Variants in TP53I13 observed in about 807,000 individuals in gnomAD.
TP53I13 encodes the protein tumor protein p53-inducible protein 13.
In TP53I13, 27 loss-of-function variants were observed where a neutral mutation model predicts 39.1. The observed-to-expected ratio is 0.69, with a 90% CI of 0.51 to 0.95. TP53I13 has a LOEUF of 0.95. Among genes scored for constraint, TP53I13 ranks in the 40% least tolerant of loss-of-function variants. The pLI, the probability that TP53I13 is intolerant of heterozygous loss-of-function variation, is 0.00. For missense variants in TP53I13, 544 were observed against 520.4 expected (o/e 1.05, Z -0.44); for synonymous variants, 230 against 224.6 (o/e 1.02, Z -0.22).
chr17:29,577,146 G>C, downstream of TP53I13: 1 of 1,613,478 alleles, frequency 6.2e-7, no homozygotes, highest in Non-Finnish European at 8.5e-7. Flanking sequence ...CTGTGGGGCT[G>C]CTCAGGCTCT....
At chr17:29,570,361 A>C (rs2150802481) in intron 3 of TP53I13, 1 of 151,218 alleles carries the variant, frequency 6.6e-6, no homozygotes, top group African/African-American at 2.4e-5. Context: ...TACAAAAATT[A>C]GCTGGGCGTG....
downstream of TP53I13, chr17:29,577,736 A>G (rs2033263679): frequency 6.2e-7 from 1 of 1,605,306 alleles, no homozygotes; most frequent in Non-Finnish European, 8.5e-7. Context: ...TTGGGTAGCC[A>G]GCCACACTGT....
chr17:29,578,673 G>A, the TP53I13 span: 1 of 1,421,500 alleles, frequency 7.0e-7, no homozygotes, highest in Non-Finnish European at 1.0e-6. Flanking sequence ...AGAGCAGAGG[G>A]TGGGGGATCA....
At chr17:29,574,986 G>T, downstream of TP53I13, 2 of 1,484,660 alleles carry the variant, frequency 1.3e-6, no homozygotes, top group Non-Finnish European at 1.8e-6. Flanking sequence ...CAGTTTGTCT[G>T]TGTCTCCACC....
chr17:29,578,408 A>C, the TP53I13 span: 1 of 1,594,778 alleles, frequency 6.3e-7, no homozygotes, highest in Non-Finnish European at 8.6e-7. Flanking sequence ...TGTCAGATGC[A>C]TCGGCTCCCA....
downstream of TP53I13, chr17:29,576,015 G>A (rs753532899): frequency 1.4e-5 from 22 of 1,576,468 alleles, no homozygotes; most frequent in Non-Finnish European, 1.8e-5. Flanking sequence ...TCAGCACAGA[G>A]CCCAGAACCC....
chr17:29,575,082 T>G (rs571215225), downstream of TP53I13: 20 of 1,595,008 alleles, frequency 1.3e-5, no homozygotes, highest in African/African-American at 2.1e-4. The surrounding 1 kb of genome is among the most constrained non-coding windows in gnomAD (Gnocchi z 5.5). Context: ...CCTGTACCTT[T>G]GGGAAGAGGG....
At chr17:29,569,419 G>A in intron 3 of TP53I13, 60 bp downstream of exon 3, 1 of 1,550,948 alleles carries the variant, frequency 6.4e-7, no homozygotes, top group East Asian at 2.3e-5. Context: ...GGCGCTCCTA[G>A]CAGGCTTCGC....
At chr17:29,581,114 C>G in the TP53I13 span, 1 of 586,280 alleles carries the variant, frequency 1.7e-6, no homozygotes, top group Admixed American at 2.9e-5. The surrounding 1 kb of genome is among the most constrained non-coding windows in gnomAD (Gnocchi z 4.8). Context: ...CCTCCATGTA[C>G]TTGACAGTCA....
At chr17:29,569,186 C>G (rs879118595) in intron 2 of TP53I13, 100 bp downstream of exon 2, 2 of 1,472,836 alleles carry the variant, frequency 1.4e-6, no homozygotes, top group South Asian at 1.2e-5. Flanking sequence ...CTGAGGACCT[C>G]TGCCGGTTCC....
chr17:29,574,544 C>A, downstream of TP53I13: 1 of 707,118 alleles, frequency 1.4e-6, no homozygotes, highest in East Asian at 2.5e-5. Flanking sequence ...AGGGGCTCGA[C>A]AGGGGTGGGC....
intron 3 of TP53I13, chr17:29,570,426 T>C (rs2032881532): frequency 6.6e-6 from 1 of 151,192 alleles, no homozygotes; most frequent in South Asian, 2.1e-4. Context: ...GAGAATTGCT[T>C]GAGCCCAGGA....
At chr17:29,578,022 G>C (rs2033273055), downstream of TP53I13, among the ~76,000 whole-genome samples, 1 of 152,230 alleles carries the variant, frequency 6.6e-6, no homozygotes, top group Non-Finnish European at 1.5e-5. Flanking sequence ...ATGCAGGGGG[G>C]TGGAGCGGTA....
chr17:29,576,417 G>T, downstream of TP53I13: 1 of 1,612,912 alleles, frequency 6.2e-7, no homozygotes, highest in Non-Finnish European at 8.5e-7. Flanking sequence ...GGAGGCTGCC[G>T]GAGCTGCAGG....
downstream of TP53I13, chr17:29,575,554 TCA>T (rs926261147): frequency 6.4e-7 from 1 of 1,560,542 alleles, no homozygotes; most frequent in East Asian, 2.3e-5. The surrounding 1 kb of genome is among the most constrained non-coding windows in gnomAD (Gnocchi z 5.5). Flanking sequence ...GCCTTGGTCC[TCA>T]CACACTGGGG....
chr17:29,575,575 A>C (rs938309670), downstream of TP53I13: 13 of 1,582,204 alleles, frequency 8.2e-6, no homozygotes, highest in African/African-American at 1.3e-5. The surrounding 1 kb of genome is among the most constrained non-coding windows in gnomAD (Gnocchi z 5.5). Flanking sequence ...GGGCCCTCTC[A>C]ACCTCCCCGC....
At position 29,572,190 on chromosome 17, in the gene TP53I13, G is replaced by A. The variant is rs759857806; in HGVS notation, c.562G>A (p.Glu188Lys). The part of the protein sequence containing the change: ...ALRSWRPPGT[E>K]VTSQGPRQPS... ...GCGGAGCTGGCGGCCCCCTGGCACA[G>A]AGGTGACATCTCAAGGGCCCAGGCA... The change falls in exon 6 of 7, where the codon GAG becomes AAG. Residue 188 changes from glutamate (E) to lysine (K), a missense_variant. Transcript: ENST00000301057. 136 of 1,610,190 alleles carry A rather than the reference G, an allele frequency of 8.4e-5. No homozygotes were observed. The Admixed American group carries it at 1.2e-3, about 14-fold the overall frequency.
downstream of TP53I13, chr17:29,574,756 G>T: frequency 6.2e-7 from 1 of 1,613,574 alleles, no homozygotes; most frequent in South Asian, 1.1e-5. Flanking sequence ...CAGCCTTGGC[G>T]ATGTCATAGG....
downstream of TP53I13, chr17:29,576,737 C>A (rs2033219148): frequency 1.2e-6 from 2 of 1,601,258 alleles, no homozygotes; most frequent in Admixed American, 3.4e-5. Flanking sequence ...CCGCAGGGGG[C>A]AGTTATTGAG....
Sources: gnomAD v4.1 joint callset for allele counts (sites outside exome capture counted in the v4.1 genomes callset) on GRCh38, gnomAD v4.1.1 for gene constraint, Gnocchi (gnomAD v3.1) non-coding constraint, MANE v1.5 for transcripts, NCBI Gene and HGNC (gene_info 2026-07-23, HGNC 2026-07-21) for gene names.